Variants in SERINC3 observed in about 807,000 individuals in gnomAD.
SERINC3 encodes serine incorporator 3, also known as tumor differentially expressed protein 1.
SERINC3 carries 22 observed loss-of-function variants against 52.1 expected under a neutral mutation model. That is an observed-to-expected ratio of 0.42 (90% CI 0.30 to 0.60). The LOEUF (loss-of-function observed/expected upper bound fraction) is 0.60, where lower values mean the gene tolerates loss of function less well. Ranked by LOEUF, SERINC3 falls within the 20% of genes least tolerant of loss-of-function variation. The probability of loss-of-function intolerance (pLI) is 0.16; values close to 1 mark genes in which losing one functional copy is unlikely to be tolerated. For synonymous variants in SERINC3, 226 were observed against 212.7 expected (o/e 1.06, Z -0.54); for missense variants, 564 against 584.6 (o/e 0.96, Z 0.36).
chr20:44,521,006 G>A (rs2064413146), intron 1 of SERINC3, among the ~76,000 whole-genome samples: 1 of 152,198 alleles, frequency 6.6e-6, no homozygotes, highest in Non-Finnish European at 1.5e-5. Context: ...AGAGAGCTTC[G>A]GAATTGACTT....
intron 1 of SERINC3, among the ~76,000 whole-genome samples, chr20:44,520,062 A>C (rs779986778): frequency 2.0e-5 from 3 of 152,194 alleles, no homozygotes; most frequent in Non-Finnish European, 4.4e-5. Flanking sequence ...AGTAACCAAA[A>C]GCCAATGATT....
chr20:44,512,972 C>T lies in SERINC3; in HGVS notation c.224G>A (p.Gly75Glu), dbSNP rs372223307. The T allele has an allele frequency of 9.3e-6, 14 of 1,503,178 alleles. No homozygotes were observed. The African/African-American group carries it at 1.3e-4, about 14-fold the overall frequency. The allele number at this position is 1,503,178 out of a possible 1,614,324, so 93.1% of individuals were successfully genotyped here. Residue 75 changes from glycine to glutamate, a missense_variant, in exon 3 of 10, where the codon GGA becomes GAA. Coordinates refer to ENST00000342374, the MANE Select transcript of SERINC3 (RefSeq NM_006811.4). ...LKKIPGFCEGGFKIHEADINA... is the reference protein window; with the variant it reads ...LKKIPGFCEGEFKIHEADINA... ...TATATCAGCCTCATGGATTTTAAAT[C>T]CCCCTTCACAAAATCCAGGAATCTG... is the stretch of plus-strand genomic sequence containing the variant.
rs754772608 is a variant in SERINC3 at position 44,500,014 on chromosome 20, C to T, written c.*282G>A. The T allele has an allele frequency of 2.0e-4, 49 of 247,894 alleles. 1 individual carries two copies. The highest frequency in any genetic ancestry group is 3.3e-4 in the Admixed American group (6 of 18,146). The allele number at this position is 247,894 out of a possible 1,614,324, so 15.4% of individuals were successfully genotyped here. On this transcript the variant is annotated 3_prime_UTR_variant, in exon 10 of 10. Coordinates refer to ENST00000342374, the MANE Select transcript of SERINC3 (RefSeq NM_006811.4). ...AACCAAAGTTAAAAGAACCTACAGG[C>T]TTTATAAAGAACTCTCTTCACAGCA...
At position 44,512,829 on chromosome 20, in the gene SERINC3, T is replaced by G; in HGVS notation, c.367A>C (p.Lys123Gln). ...SLLMFKVKTSKDLRAAVHNGF... is the reference protein window; with the variant it reads ...SLLMFKVKTSQDLRAAVHNGF... Reference sequence around the variant, plus strand: ...TTGTGTACTGCCGCTCGGAGATCTTTACTTGTTTTTACTTTGAACATGAGC... The same window carrying G: ...TTGTGTACTGCCGCTCGGAGATCTTGACTTGTTTTTACTTTGAACATGAGC... The change falls in exon 3 of 10, where the codon AAA becomes CAA. Residue 123 changes from lysine to glutamine, a missense_variant. Lys to Gln is a moderately conservative substitution (Grantham distance 53). Coordinates refer to ENST00000342374, the MANE Select transcript of SERINC3 (RefSeq NM_006811.4). The G allele has an allele frequency of 6.3e-7, 1 of 1,576,242 alleles. No individual in the cohort carries two copies. The highest frequency in any genetic ancestry group is 8.6e-7 in the Non-Finnish European group (1 of 1,168,508).
At chr20:44,520,334 C>T (rs1042575764) in intron 1 of SERINC3, among the ~76,000 whole-genome samples, 2 of 152,186 alleles carry the variant, frequency 1.3e-5, no homozygotes, top group Non-Finnish European at 2.9e-5. Flanking sequence ...CTGCCCCAGA[C>T]AGAGCATGGA....
chr20:44,518,338 A>G (rs939259993), intron 1 of SERINC3, among the ~76,000 whole-genome samples: 43 of 149,628 alleles, frequency 2.9e-4, no homozygotes, highest in Non-Finnish European at 4.3e-4. Context: ...AAAAAAAAAA[A>G]AAGAAGCCCT....
intron 3 of SERINC3, among the ~76,000 whole-genome samples, chr20:44,511,597 G>C (rs913344336): frequency 6.6e-6 from 1 of 152,140 alleles, no homozygotes; most frequent in Non-Finnish European, 1.5e-5. Context: ...TTTATTACCA[G>C]AGAAAACTGA....
At chr20:44,515,343 G>A (rs968513765) in intron 1 of SERINC3, among the ~76,000 whole-genome samples, 2 of 152,220 alleles carry the variant, frequency 1.3e-5, no homozygotes, top group Non-Finnish European at 2.9e-5. Context: ...AACAGAGTGA[G>A]ACTTGGTCTA....
At chr20:44,508,299 CCT>C (rs1346794734) in intron 5 of SERINC3, among the ~76,000 whole-genome samples, 1 of 152,004 alleles carries the variant, frequency 6.6e-6, no homozygotes, top group Non-Finnish European at 1.5e-5. Context: ...ATGGCAAAAC[CCT>C]GTCTCTACAA....
chr20:44,502,162 A>G (rs1483077545), intron 8 of SERINC3, among the ~76,000 whole-genome samples: 2 of 152,256 alleles, frequency 1.3e-5, no homozygotes, highest in Non-Finnish European at 2.9e-5. Context: ...CCAGACTAGA[A>G]AAGAAGTAAA....
intron 1 of SERINC3, among the ~76,000 whole-genome samples, chr20:44,515,114 G>C (rs1461095258): frequency 3.3e-5 from 5 of 152,200 alleles, no homozygotes; most frequent in African/African-American, 1.2e-4. Flanking sequence ...AGCACTTTGG[G>C]AGGCTGAGGT....
chr20:44,508,588 T>A (rs1275611170), intron 5 of SERINC3, among the ~76,000 whole-genome samples: 1 of 152,210 alleles, frequency 6.6e-6, no homozygotes. Flanking sequence ...TAAATTATGG[T>A]ATACTCCGCT....
At chr20:44,513,281 C>T (rs146127749) in intron 2 of SERINC3, among the ~76,000 whole-genome samples, 2 of 152,106 alleles carry the variant, frequency 1.3e-5, no homozygotes, top group Middle Eastern at 3.4e-3. Flanking sequence ...GTCAGGAGTT[C>T]GAGACCACCC....
rs769343300 is a variant in SERINC3, at chr20:44,509,944, T to C, written c.560A>G (p.Asn187Ser). 2 of 1,614,186 alleles carry C rather than the reference T, an allele frequency of 1.2e-6. No homozygotes were observed. Among genetic ancestry groups the C allele is most frequent in the Non-Finnish European group, 1.7e-6 (2 of 1,180,028 alleles). The change falls in exon 5 of 10, where the codon AAT (asparagine) becomes AGT (serine). Residue 187 changes from asparagine (N) to serine (S), a missense_variant. Physicochemically the swap from Asn to Ser is conservative, Grantham distance 46. Coordinates refer to ENST00000342374, the MANE Select transcript of SERINC3 (RefSeq NM_006811.4). ...VLLVDFAHSW[N>S]ESWVNRMEEG... ...TTCCATTCGATTTACCCATGATTCA[T>C]TCCAAGAATGAGCAAAATCTACCAG... is the stretch of plus-strand genomic sequence containing the variant.
intron 1 of SERINC3, among the ~76,000 whole-genome samples, chr20:44,520,966 C>T (rs2064412892): frequency 6.6e-6 from 1 of 152,128 alleles, no homozygotes; most frequent in Non-Finnish European, 1.5e-5. Context: ...CTGAGCCCTC[C>T]ACTTGTGTGA....
chr20:44,499,327 T>C lies in SERINC3; in HGVS notation c.*969A>G, dbSNP rs967579709. On this transcript the variant is annotated 3_prime_UTR_variant, in exon 10 of 10. Coordinates refer to ENST00000342374, the MANE Select transcript of SERINC3 (RefSeq NM_006811.4). The stretch of plus-strand genomic sequence containing the variant: ...TACCTAGAGAAGGTATTTAGGACTT[T>C]TGAATAAATTCAAGACTTTGCTCAC... The C allele has an allele frequency of 6.6e-6, 1 of 152,374 alleles. No individual in the cohort carries two copies. Among genetic ancestry groups the C allele is most frequent in the Admixed American group, 6.5e-5 (1 of 15,284 alleles). The allele number at this position is 152,374 out of a possible 1,614,324, so 9.4% of individuals were successfully genotyped here. A position where few individuals can be genotyped will look rare whatever the true frequency, so the allele number is the denominator to read the frequency against.
downstream of SERINC3, among the ~76,000 whole-genome samples, chr20:44,496,697 G>A (rs889124025): frequency 6.6e-6 from 1 of 152,186 alleles, no homozygotes; most frequent in African/African-American, 2.4e-5. Context: ...AGGAGACTGA[G>A]GCAGGAGAAT....
chr20:44,500,301 TG>T lies in SERINC3; in HGVS notation c.1416del (p.Phe472LeufsTer34), dbSNP rs2064271027. 1 of 1,611,776 alleles carries T rather than the reference TG, an allele frequency of 6.2e-7. No homozygotes were observed. The highest frequency in any genetic ancestry group is 8.5e-7 in the Non-Finnish European group (1 of 1,179,112). On this transcript the variant is annotated frameshift_variant, in exon 10 of 10. Coordinates refer to ENST00000342374, the MANE Select transcript of SERINC3 (RefSeq NM_006811.4). LOFTEE classifies it high-confidence loss of function. ...VAPLVLTSRD[F>X]S ...TGTCCTTGGCACTCAGAGGTTCAGC[TG>T]AAGTCCCGACTGGTGAGGACAAGTG...
Position 44,506,833 on chromosome 20 carries a change from T to G in SERINC3, c.777A>C (p.Lys259Asn). The G allele has an allele frequency of 6.4e-7, 1 of 1,569,268 alleles. No homozygotes were observed. Among genetic ancestry groups the G allele is most frequent in the African/African-American group, 1.4e-5 (1 of 73,170 alleles). Residue 259 changes from lysine (K) to asparagine (N), a missense_variant, in exon 6 of 10, where the codon AAA becomes AAC. Lys to Asn is a moderately conservative substitution (Grantham distance 94). Transcript: ENST00000342374. ...VVASIISIHP[K>N]IQEHQPRSGL... is the part of the protein sequence containing the mutation. ...AAGTAGTAAACAATCATACCTGAATTTTTGGGTGGATCGATATAATAGAAG... is the reference window on the plus strand; with the variant it reads ...AAGTAGTAAACAATCATACCTGAATGTTTGGGTGGATCGATATAATAGAAG...
Sources: gnomAD v4.1 joint callset for allele counts (sites outside exome capture counted in the v4.1 genomes callset) on GRCh38, gnomAD v4.1.1 for gene constraint, MANE v1.5 for transcripts, NCBI Gene and HGNC (gene_info 2026-07-23, HGNC 2026-07-21) for gene names.